KCNT1: variants seen among roughly 807,000 people sequenced by gnomAD.
KCNT1 encodes the protein potassium channel subfamily T member 1.
Under a neutral mutation model 147.8 loss-of-function variants are expected in KCNT1, and 78 were observed. The observed-to-expected ratio is 0.53, with a 90% CI of 0.44 to 0.64. The LOEUF is 0.64. Among genes scored for constraint, KCNT1 ranks in the 30% least tolerant of loss-of-function variants. The pLI is 0.00. For missense variants in KCNT1, 1,419 were observed against 1,750.3 expected, an observed-to-expected ratio of 0.81 and a Z score of 3.38; for synonymous variants, 867 against 748.8, an observed-to-expected ratio of 1.16 and a Z score of -2.58.
chr9:135,756,817 GGCCCCA>G (rs1361800579), intron 6 of KCNT1, 50 bp from the exon 7 acceptor site: 5 of 1,495,522 alleles, frequency 3.3e-6, no homozygotes, highest in South Asian at 1.1e-5. Flanking sequence ...TGTGGGGTCA[GGCCCCA>G]GCCCCAGCCC....
At chr9:135,772,108 C>T (rs781430947) in intron 18 of KCNT1, among the ~76,000 whole-genome samples, 14 of 152,208 alleles carry the variant, frequency 9.2e-5, no homozygotes, top group Non-Finnish European at 1.9e-4. Context: ...CGGGCCTGGC[C>T]GCAGGGCACT....
At chr9:135,715,747 G>A (rs1326981664) in intron 2 of KCNT1, among the ~76,000 whole-genome samples, 1 of 152,212 alleles carries the variant, frequency 6.6e-6, no homozygotes, top group South Asian at 2.1e-4. Flanking sequence ...CCTAGGGACT[G>A]TATCCATGAG....
chr9:135,762,866 A>C (rs1171191941), intron 11 of KCNT1, among the ~76,000 whole-genome samples: 1 of 152,232 alleles, frequency 6.6e-6, no homozygotes, highest in Non-Finnish European at 1.5e-5. Flanking sequence ...TCGTCACGAG[A>C]ACTGATTGCA....
chr9:135,735,320 G>A (rs1026656394), intron 2 of KCNT1, among the ~76,000 whole-genome samples: 11 of 152,310 alleles, frequency 7.2e-5, no homozygotes, highest in South Asian at 4.1e-4. Context: ...GCGGCTCAGC[G>A]TTTGGACCCC....
chr9:135,716,065 G>A (rs967960762), intron 2 of KCNT1, among the ~76,000 whole-genome samples: 4 of 152,194 alleles, frequency 2.6e-5, no homozygotes, highest in Non-Finnish European at 5.9e-5. Context: ...GTCCCAGGGC[G>A]GCGTGCGTGG....
chr9:135,786,336 G>A lies in KCNT1; in HGVS notation c.3317G>A (p.Arg1106Gln), dbSNP rs561255614. 270 of 1,593,924 alleles carry A rather than the reference G, an allele frequency of 1.7e-4. No homozygotes were observed. The East Asian group carries it at 3.7e-3, about 22-fold the overall frequency. Residue 1106 changes from arginine (R) to glutamine (Q), a missense_variant, in exon 29 of 31, where the codon CGG becomes CAG. By Grantham distance (43) the Arg-to-Gln change is conservative. Coordinates refer to ENST00000371757, the MANE Select transcript of KCNT1 (RefSeq NM_020822.3). The stretch of plus-strand genomic sequence containing the variant: ...GACCCCGCAGAGCACCCACTGCTAC[G>A]GCGCAAGAGCCTGCAGTGGGCCCGG... The part of the protein sequence containing the change: ...GGDPAEHPLL[R>Q]RKSLQWARRL...
intron 2 of KCNT1, among the ~76,000 whole-genome samples, chr9:135,747,674 G>T (rs2131400489): frequency 6.6e-6 from 1 of 152,292 alleles, no homozygotes; most frequent in South Asian, 2.1e-4. Flanking sequence ...GGGGCTGAGG[G>T]ACACAGCAGA....
rs912299865 is a variant in KCNT1, at chr9:135,752,736, G to A, written c.435-1201G>A. Among the ~76,000 whole-genome samples, 2 of 151,452 alleles carry A rather than the reference G, an allele frequency of 1.3e-5. No homozygotes were observed. Among genetic ancestry groups the A allele is most frequent in the African/African-American group, 4.9e-5 (2 of 41,170 alleles). On this transcript the variant is annotated intron_variant, in intron 4 of 30. Transcript: ENST00000371757. This position sits in a 1 kb window ranked among gnomAD's most constrained non-coding sequence, Gnocchi z 5.1. Reference sequence around the variant, plus strand: ...GTGGATGCATGGTGGGTAGATGGATGGATGGATGGAATAGATGGATGGAGG... The same window carrying A: ...GTGGATGCATGGTGGGTAGATGGATAGATGGATGGAATAGATGGATGGAGG...
At chr9:135,779,256 G>T (rs529911340) in intron 23 of KCNT1, 103 bp from the exon 24 acceptor site, 211 of 665,970 alleles carry the variant, frequency 3.2e-4, no homozygotes, top group Non-Finnish European at 4.3e-4. Context: ...CACAGCCATG[G>T]GACCCCGCCC....
At chr9:135,750,883 C>T in intron 3 of KCNT1, 59 bp from the exon 4 acceptor site, 1 of 1,491,396 alleles carries the variant, frequency 6.7e-7, no homozygotes. Context: ...CGGGTGCAGG[C>T]CCTGCTCCCC....
chr9:135,768,344 T>TGGC (rs1554774208), intron 13 of KCNT1: 2,971 of 25,462 alleles, frequency 0.12, 74 homozygotes, highest in Middle Eastern at 0.17. Flanking sequence ...TGATGTGGGT[T>TGGC]GGGGGGGGGG....
chr9:135,788,346 T>A (rs919407949), intron 29 of KCNT1, among the ~76,000 whole-genome samples: 1 of 152,254 alleles, frequency 6.6e-6, no homozygotes, highest in Non-Finnish European at 1.5e-5. Context: ...GTCCCCTGGC[T>A]GGGCGTTGAG....
At chr9:135,709,412 C>A (rs573872141) in intron 1 of KCNT1, among the ~76,000 whole-genome samples, 1 of 152,124 alleles carries the variant, frequency 6.6e-6, no homozygotes. Flanking sequence ...ATGCCTGGGC[C>A]TCCTCGGCCA....
intron 29 of KCNT1, among the ~76,000 whole-genome samples, chr9:135,788,777 C>A (rs1178184208): frequency 1.3e-5 from 2 of 152,206 alleles, no homozygotes; most frequent in Non-Finnish European, 2.9e-5. Flanking sequence ...AGCAGAGCCG[C>A]TCCACACCCC....
At chr9:135,720,830 T>C (rs1381792012) in intron 2 of KCNT1, among the ~76,000 whole-genome samples, 3 of 152,186 alleles carry the variant, frequency 2.0e-5, no homozygotes, top group Non-Finnish European at 4.4e-5. Context: ...GGGGGTGCTC[T>C]GGGGAAGCTA....
intron 13 of KCNT1, 83 bp from the exon 14 acceptor site, chr9:135,768,527 T>A: frequency 9.3e-7 from 1 of 1,071,876 alleles, no homozygotes; most frequent in Non-Finnish European, 1.4e-6. Flanking sequence ...CCAGAGGAGG[T>A]CCTCCCCACC....
rs1340317562 is a variant in KCNT1, at chr9:135,784,630, T to TC, written c.3027+12_3027+13insC. The TC allele has an allele frequency of 2.5e-6, 4 of 1,611,128 alleles. No individual in the cohort carries two copies. Among genetic ancestry groups the TC allele is most frequent in the Non-Finnish European group, 1.7e-6 (2 of 1,179,016 alleles). ...GGTACCTCTGTGCCGTAAGTGCCCC[T>TC]GGCTGCGCTGGGCTGGGGGCGTGCT... On this transcript the variant is annotated intron_variant, in intron 26 of 30. Transcript: ENST00000371757.
At chr9:135,736,906 CT>C (rs1169550048) in intron 2 of KCNT1, 31 of 288,454 alleles carry the variant, frequency 1.1e-4, no homozygotes, top group Non-Finnish European at 3.9e-5. Flanking sequence ...AGGCCAGGGT[CT>C]CCCCTCCTAA....
rs1831211305 is a variant in KCNT1, at chr9:135,752,119, G to A, written c.434+1078G>A. 1 of 315,034 alleles carries A rather than the reference G, an allele frequency of 3.2e-6. No individual in the cohort carries two copies. Among genetic ancestry groups the A allele is most frequent in the Non-Finnish European group, 6.3e-6 (1 of 159,046 alleles). 19.5% of individuals were successfully genotyped at this position (315,034 alleles called of 1,614,324 possible). A position where few individuals can be genotyped will look rare whatever the true frequency, so the allele number is the denominator to read the frequency against. On this transcript the variant is annotated intron_variant, in intron 4 of 30. Transcript: ENST00000371757. This position sits in a 1 kb window ranked among gnomAD's most constrained non-coding sequence, Gnocchi z 5.1. ...AGGCGCTGAGGGGCTCTGCAGCCAC[G>A]TGTGTGGTGTGGTTGTCACCATCCA...
Sources: gnomAD v4.1 joint callset for allele counts (sites outside exome capture counted in the v4.1 genomes callset) on GRCh38, gnomAD v4.1.1 for gene constraint, Gnocchi (gnomAD v3.1) non-coding constraint, MANE v1.5 for transcripts, NCBI Gene and HGNC (gene_info 2026-07-23, HGNC 2026-07-21) for gene names.